SHANK2: variants seen among roughly 807,000 people sequenced by gnomAD.
SHANK2 encodes SH3 and multiple ankyrin repeat domains 2.
In SHANK2, 43 loss-of-function variants were observed where a neutral mutation model predicts 133.7. The ratio of observed to expected loss-of-function variants is 0.32; its 90% CI spans 0.25 to 0.41. The LOEUF is 0.41. SHANK2 is among the 10% of genes least tolerant of loss of function. The pLI is 1.00. For synonymous variants in SHANK2, 1,017 were observed against 952.8 expected, an observed-to-expected ratio of 1.07 and a Z score of -1.24; for missense variants, 1,994 against 2,235.8, an observed-to-expected ratio of 0.89 and a Z score of 2.18.
rs546431611 is a variant in SHANK2, at chr11:70,489,072, C to T, written c.2572+256G>A. On this transcript the variant is annotated intron_variant, in intron 24 of 25. Transcript: ENST00000601538. The stretch of plus-strand genomic sequence containing the variant: ...TAAATTACTTGAAATGAAAAAAAGT[C>T]CTAGGACAAACTACAATAATTTATT... The T allele has an allele frequency of 6.6e-5, 33 of 498,920 alleles. 1 individual carries two copies. In the South Asian group the frequency reaches 7.9e-4, roughly 12 times the overall value. The allele number at this position is 498,920 out of a possible 1,614,324, so 30.9% of individuals were successfully genotyped here.
chr11:70,838,948 G>A (rs1210249173), intron 11 of SHANK2, among the ~76,000 whole-genome samples: 2 of 152,136 alleles, frequency 1.3e-5, no homozygotes, highest in African/African-American at 2.4e-5. Flanking sequence ...TTCTGTCAAG[G>A]GTCCCAGCAT....
At chr11:71,167,490 C>T (rs554897612) in intron 2 of SHANK2, among the ~76,000 whole-genome samples, 143 of 135,242 alleles carry the variant, frequency 1.1e-3, no homozygotes, top group African/African-American at 3.8e-3. Flanking sequence ...TAGGGGCGGC[C>T]GGGCAGAGGC....
chr11:71,229,402 T>C (rs1326900299), intron 1 of SHANK2, among the ~76,000 whole-genome samples: 1 of 152,204 alleles, frequency 6.6e-6, no homozygotes, highest in Admixed American at 6.5e-5. Flanking sequence ...CATATTAAAA[T>C]CAATTGTATT....
At chr11:70,502,730 T>TGGGGGGGGGG in intron 18 of SHANK2, 66 bp downstream of exon 18, 18 of 772,428 alleles carry the variant, frequency 2.3e-5, no homozygotes, top group East Asian at 1.6e-4. Flanking sequence ...CCAGCTGTCC[T>TGGGGGGGGGG]GCCCGCCCCC....
In SHANK2 at chr11:70,549,027, A is replaced by G. The variant is rs918508734; in HGVS notation, c.2062-46096T>C. On this transcript the variant is annotated intron_variant, in intron 17 of 25. Coordinates refer to ENST00000601538, the MANE Select transcript of SHANK2 (RefSeq NM_012309.5). ...ATGGCCCTGCTGACATCCCGACTTC[A>G]GACTGCTAGCCCCCAAACTGTCAGA... Among the ~76,000 whole-genome samples, 25 of 152,114 alleles carry G rather than the reference A, an allele frequency of 1.6e-4. No individual in the cohort carries two copies. In the East Asian group the frequency reaches 3.3e-3, roughly 20 times the overall value.
chr11:70,821,826 TAAG>T (rs1455616304), intron 11 of SHANK2, among the ~76,000 whole-genome samples: 4 of 152,190 alleles, frequency 2.6e-5, no homozygotes, highest in Non-Finnish European at 5.9e-5. Flanking sequence ...CAGTCCTCAC[TAAG>T]AAGGTGCCTT....
intron 12 of SHANK2, among the ~76,000 whole-genome samples, chr11:70,815,067 G>A (rs186390431): frequency 3.9e-5 from 6 of 152,286 alleles, no homozygotes; most frequent in African/African-American, 1.2e-4. Flanking sequence ...ACCAGAGGGC[G>A]CCCCCAGGGG....
Position 70,830,228 on chromosome 11 carries a change from T to C in SHANK2, c.1175-9546A>G, listed in dbSNP as rs782462020. 6.6e-6 allele frequency among the ~76,000 whole-genome samples: 1 copy of C among 152,228 alleles called. No individual in the cohort carries two copies. Among genetic ancestry groups the C allele is most frequent in the Non-Finnish European group, 1.5e-5 (1 of 68,046 alleles). On this transcript the variant is annotated intron_variant, in intron 11 of 25. Transcript: ENST00000601538. This position sits in a 1 kb window ranked among gnomAD's most constrained non-coding sequence, Gnocchi z 4.4. ...ATCTTCCAGCCCTGGGATGTGGCCATGGGAACATCAGCATTCCTCCTGCCC... is the reference window on the plus strand; with the variant it reads ...ATCTTCCAGCCCTGGGATGTGGCCACGGGAACATCAGCATTCCTCCTGCCC...
chr11:71,193,738 G>T (rs1156559306), intron 2 of SHANK2, among the ~76,000 whole-genome samples: 1 of 152,054 alleles, frequency 6.6e-6, no homozygotes, highest in Non-Finnish European at 1.5e-5. Flanking sequence ...GCTGTCCCAC[G>T]CCCCCGGAGG....
chr11:70,660,031 C>T, intron 16 of SHANK2, 79 bp from the exon 17 acceptor site: 2 of 1,591,478 alleles, frequency 1.3e-6, no homozygotes, highest in East Asian at 2.2e-5. Flanking sequence ...CCCACAGGAC[C>T]CCGGGAGGAA....
At chr11:71,153,704 C>T (rs529147998) in intron 2 of SHANK2, among the ~76,000 whole-genome samples, 11 of 152,306 alleles carry the variant, frequency 7.2e-5, no homozygotes, top group African/African-American at 9.6e-5. Flanking sequence ...CAGTGGCTCA[C>T]GCCTGTAATC....
chr11:70,778,629 G>A (rs1947418559), intron 14 of SHANK2, among the ~76,000 whole-genome samples: 1 of 152,194 alleles, frequency 6.6e-6, no homozygotes, highest in African/African-American at 2.4e-5. Context: ...CAGCGAGAAG[G>A]CGGCCATCTG....
rs1038349998 is a variant in SHANK2 at position 70,500,848 on chromosome 11, T to C, written c.2288-258A>G. On this transcript the variant is annotated intron_variant, in intron 20 of 25. Coordinates refer to ENST00000601538, the MANE Select transcript of SHANK2 (RefSeq NM_012309.5). The surrounding 1 kb of genome is among the most constrained non-coding windows in gnomAD (Gnocchi z 4.5). ...TACTGCCTGGCAGTGGAAAGGGGCTTTCCTTCTTCCTCAGCACCCCTTGTC... is the reference window on the plus strand; with the variant it reads ...TACTGCCTGGCAGTGGAAAGGGGCTCTCCTTCTTCCTCAGCACCCCTTGTC... 2 of 702,548 alleles carry C rather than the reference T, an allele frequency of 2.8e-6. No individual in the cohort carries two copies. Among genetic ancestry groups the C allele is most frequent in the Non-Finnish European group, 2.6e-6 (1 of 379,208 alleles). 43.5% of individuals were successfully genotyped at this position (702,548 alleles called of 1,614,324 possible). A position where few individuals can be genotyped will look rare whatever the true frequency, so the allele number is the denominator to read the frequency against.
chr11:70,918,805 C>G (rs1555080289), intron 10 of SHANK2, among the ~76,000 whole-genome samples: 1 of 152,180 alleles, frequency 6.6e-6, no homozygotes, highest in African/African-American at 2.4e-5. Flanking sequence ...CCATGCCCAG[C>G]CTTAATTGAC....
chr11:70,775,117 C>T (rs1423395051), intron 14 of SHANK2, among the ~76,000 whole-genome samples: 1 of 152,110 alleles, frequency 6.6e-6, no homozygotes, highest in Non-Finnish European at 1.5e-5. Context: ...TATGATTGCA[C>T]CACCGCACTC....
At chr11:70,659,450 A>G (rs2061452422) in intron 17 of SHANK2, among the ~76,000 whole-genome samples, 2 of 152,138 alleles carry the variant, frequency 1.3e-5, no homozygotes, top group South Asian at 2.1e-4. Context: ...CGACTCACCC[A>G]TAGGACACAA....
At chr11:71,196,775 A>T (rs1399871655) in intron 2 of SHANK2, among the ~76,000 whole-genome samples, 1 of 151,516 alleles carries the variant, frequency 6.6e-6, no homozygotes. Context: ...AGGCAGGCAG[A>T]TCACCTGAGG....
At chr11:70,726,230 C>T (rs1351027541) in intron 14 of SHANK2, among the ~76,000 whole-genome samples, 2 of 152,186 alleles carry the variant, frequency 1.3e-5, no homozygotes, top group Non-Finnish European at 2.9e-5. Context: ...CTCCCACCAG[C>T]ATCTTGGAGG....
At chr11:70,756,290 A>G (rs934666662) in intron 14 of SHANK2, among the ~76,000 whole-genome samples, 10 of 152,130 alleles carry the variant, frequency 6.6e-5, no homozygotes, top group Admixed American at 3.3e-4. Context: ...GAAAACGCTC[A>G]AATGCTGGCC....
Sources: allele counts gnomAD v4.1 joint callset (sites outside exome capture counted in the v4.1 genomes callset), GRCh38; gene constraint gnomAD v4.1.1; non-coding constraint Gnocchi (gnomAD v3.1); transcripts MANE v1.5; gene names NCBI Gene and HGNC (gene_info 2026-07-23, HGNC 2026-07-21).